TUBA1C: variants seen among roughly 807,000 people sequenced by gnomAD.
TUBA1C encodes the protein tubulin alpha 1c.
Under a neutral mutation model 34.9 loss-of-function variants are expected in TUBA1C, and 16 were observed. The ratio of observed to expected loss-of-function variants is 0.46; its 90% CI spans 0.31 to 0.70. TUBA1C has a LOEUF of 0.70. Ranked by LOEUF, TUBA1C falls within the 30% of genes least tolerant of loss-of-function variation. The pLI, the probability that TUBA1C is intolerant of heterozygous loss-of-function variation, is 0.05. For synonymous variants in TUBA1C, 177 were observed against 215.9 expected, an observed-to-expected ratio of 0.82 and a Z score of 1.58; for missense variants, 329 against 587.3, an observed-to-expected ratio of 0.56 and a Z score of 4.55.
chr12:49,241,327 G>A (rs1313024100), intron 1 of TUBA1C, among the ~76,000 whole-genome samples: 2 of 152,152 alleles, frequency 1.3e-5, no homozygotes. Flanking sequence ...TGCCTAACTA[G>A]TGCCTCAGAC....
At chr12:49,246,053 C>T (rs113649300) in intron 1 of TUBA1C, among the ~76,000 whole-genome samples, 5,569 of 151,982 alleles carry the variant, frequency 0.037, 152 homozygotes, top group African/African-American at 0.081. Flanking sequence ...TACAGGCATG[C>T]GCCACCACGC....
intron 1 of TUBA1C, among the ~76,000 whole-genome samples, chr12:49,248,809 A>C (rs1436175126): frequency 6.8e-6 from 1 of 147,428 alleles, no homozygotes. Flanking sequence ...CGGAGCTTGC[A>C]GTGAGCCAAG....
chr12:49,254,002 T>A (rs1167292570), intron 1 of TUBA1C, among the ~76,000 whole-genome samples: 1 of 152,010 alleles, frequency 6.6e-6, no homozygotes, highest in East Asian at 1.9e-4. Flanking sequence ...CCTACAGAGA[T>A]AGAAGACAGG....
At chr12:49,234,767 T>C (rs1180811168) in intron 1 of TUBA1C, among the ~76,000 whole-genome samples, 1 of 152,252 alleles carries the variant, frequency 6.6e-6, no homozygotes, top group Non-Finnish European at 1.5e-5. Context: ...TGACAATTAA[T>C]GCTGTTTGAA....
At chr12:49,254,708 G>C (rs575284470) in intron 1 of TUBA1C, among the ~76,000 whole-genome samples, 1 of 152,024 alleles carries the variant, frequency 6.6e-6, no homozygotes, top group Admixed American at 6.6e-5. Flanking sequence ...ACGTAGGCAT[G>C]ATCAGTTTTT....
In TUBA1C at chr12:49,254,033, C is replaced by A. The variant is rs1942756601; in HGVS notation, c.214-15432C>A. 2.6e-5 allele frequency among the ~76,000 whole-genome samples: 4 copies of A among 152,058 alleles called. No homozygotes were observed. The South Asian group carries it at 8.3e-4, about 32-fold the overall frequency. Reference sequence around the variant, plus strand: ...ACAGGATAAAAGCAGGAAGGGGAGCCGGGTGCGGTGACTTACGCCTGTAAT... The same window carrying A: ...ACAGGATAAAAGCAGGAAGGGGAGCAGGGTGCGGTGACTTACGCCTGTAAT... On this transcript the variant is annotated intron_variant, in intron 1 of 3. Coordinates refer to the TUBA1C transcript ENST00000541364.
At chr12:49,252,597 C>T (rs1013170868) in intron 1 of TUBA1C, among the ~76,000 whole-genome samples, 2 of 152,002 alleles carry the variant, frequency 1.3e-5, no homozygotes, top group East Asian at 1.9e-4. Context: ...GCCAACATGG[C>T]GAAACCCCAT....
At chr12:49,269,316 G>A in intron 1 of TUBA1C, 149 bp from the exon 2 acceptor site, 1 of 1,309,890 alleles carries the variant, frequency 7.6e-7, no homozygotes. Flanking sequence ...ACCTGCCTCA[G>A]CCTCCCAAAG....
At chr12:49,255,173 A>G (rs570823073) in intron 1 of TUBA1C, among the ~76,000 whole-genome samples, 1 of 151,950 alleles carries the variant, frequency 6.6e-6, no homozygotes, top group Non-Finnish European at 1.5e-5. Flanking sequence ...TGCCAAGGTT[A>G]CTCTATTTAA....
At chr12:49,247,232 C>A (rs945823407) in intron 1 of TUBA1C, among the ~76,000 whole-genome samples, 3 of 151,916 alleles carry the variant, frequency 2.0e-5, no homozygotes, top group African/African-American at 7.3e-5. Flanking sequence ...GGAGACAGAG[C>A]TCATAGATTT....
chr12:49,271,022 G>A (rs1049221939), intron 3 of TUBA1C, among the ~76,000 whole-genome samples: 1 of 152,100 alleles, frequency 6.6e-6, no homozygotes. Flanking sequence ...TTAGTTATAA[G>A]CACTGACTTG....
upstream of TUBA1C, among the ~76,000 whole-genome samples, chr12:49,264,102 C>T (rs1357925885): frequency 6.6e-6 from 1 of 151,922 alleles, no homozygotes; most frequent in Non-Finnish European, 1.5e-5. Flanking sequence ...CGCCTGTAGT[C>T]TCGGCTACTC....
intron 1 of TUBA1C, chr12:49,234,142 G>T (rs898192704): frequency 6.6e-6 from 1 of 152,280 alleles, no homozygotes; most frequent in South Asian, 2.1e-4. Flanking sequence ...AACGATCCTG[G>T]AATAAAAACG....
chr12:49,246,538 G>A (rs986533805), intron 1 of TUBA1C, among the ~76,000 whole-genome samples: 7 of 151,966 alleles, frequency 4.6e-5, no homozygotes, highest in Non-Finnish European at 8.8e-5. Flanking sequence ...AGCCGGGTGT[G>A]GTGGCGGGCG....
chr12:49,255,405 A>ATATATAT (rs1555167050), intron 1 of TUBA1C, among the ~76,000 whole-genome samples: 1 of 141,314 alleles, frequency 7.1e-6, no homozygotes, highest in Admixed American at 7.3e-5. Context: ...ATCTTTAAAA[A>ATATATAT]ATATATATAT....
intron 1 of TUBA1C, among the ~76,000 whole-genome samples, chr12:49,235,440 C>G (rs1274783451): frequency 6.6e-6 from 1 of 152,036 alleles, no homozygotes; most frequent in Non-Finnish European, 1.5e-5. Flanking sequence ...TCGCTGGCAC[C>G]TTGGCTGGAC....
intron 1 of TUBA1C, among the ~76,000 whole-genome samples, chr12:49,242,607 G>A (rs1942628840): frequency 6.6e-6 from 1 of 151,804 alleles, no homozygotes; most frequent in South Asian, 2.1e-4. Context: ...AGCTGGGACT[G>A]AAGGTGCACA....
upstream of TUBA1C, chr12:49,264,774 C>T (rs935046752): frequency 1.2e-4 from 24 of 192,440 alleles, no homozygotes; most frequent in Middle Eastern, 1.8e-3. Flanking sequence ...CCGGCCCATT[C>T]TCCAGCCCCA....
At chr12:49,260,643 AATAAC>A (rs1269908835), upstream of TUBA1C, among the ~76,000 whole-genome samples, 5 of 152,230 alleles carry the variant, frequency 3.3e-5, no homozygotes, top group Non-Finnish European at 7.3e-5. Context: ...CATAAAATAA[AATAAC>A]ATGTTACCTA....
Sources: gnomAD v4.1 joint callset for allele counts (sites outside exome capture counted in the v4.1 genomes callset) on GRCh38, gnomAD v4.1.1 for gene constraint, MANE v1.5 for transcripts, NCBI Gene and HGNC (gene_info 2026-07-23, HGNC 2026-07-21) for gene names.